VWA8: variants seen among roughly 807,000 people sequenced by gnomAD.
The protein encoded by VWA8 is von Willebrand factor A domain-containing protein 8.
VWA8 carries 221 observed loss-of-function variants against 241.5 expected under a neutral mutation model. The observed-to-expected ratio is 0.91, with a 90% CI of 0.82 to 1.02. The LOEUF is 1.02. VWA8 is among the 50% of genes least tolerant of loss of function. The probability of loss-of-function intolerance (pLI) is 0.00; values close to 1 mark genes in which losing one functional copy is unlikely to be tolerated. For synonymous variants in VWA8, 852 were observed against 827.1 expected (o/e 1.03, Z -0.52); for missense variants, 2,322 against 2,328.7 (o/e 1.00, Z 0.06).
intron 37 of VWA8, among the ~76,000 whole-genome samples, chr13:41,621,839 T>C (rs1185985824): frequency 1.3e-5 from 2 of 152,162 alleles, no homozygotes; most frequent in East Asian, 1.9e-4. Flanking sequence ...ACAAAATTTC[T>C]GGGCAGAAAG....
At chr13:41,642,600 G>GA (rs1336005112) in intron 37 of VWA8, among the ~76,000 whole-genome samples, 3 of 148,526 alleles carry the variant, frequency 2.0e-5, no homozygotes, top group African/African-American at 7.4e-5. Flanking sequence ...AAATTAAAAA[G>GA]AAAATGCAGA....
intron 14 of VWA8, among the ~76,000 whole-genome samples, chr13:41,825,736 A>T (rs1385009055): frequency 6.6e-6 from 1 of 152,236 alleles, no homozygotes; most frequent in Non-Finnish European, 1.5e-5. Flanking sequence ...ATTAGAAATA[A>T]TCACTTTGCT....
chr13:41,837,298 T>C (rs533752175), intron 12 of VWA8, among the ~76,000 whole-genome samples: 2 of 152,308 alleles, frequency 1.3e-5, no homozygotes, highest in East Asian at 1.9e-4. Flanking sequence ...TTGGTTTTCA[T>C]AATTAACAAC....
At chr13:41,682,346 C>T (rs555767215) in intron 35 of VWA8, among the ~76,000 whole-genome samples, 13 of 152,254 alleles carry the variant, frequency 8.5e-5, no homozygotes, top group African/African-American at 3.1e-4. Flanking sequence ...AATAAAGAGC[C>T]TCAGTCCATA....
At chr13:41,642,719 A>T (rs1409181738) in intron 37 of VWA8, among the ~76,000 whole-genome samples, 1 of 152,076 alleles carries the variant, frequency 6.6e-6, no homozygotes, top group Non-Finnish European at 1.5e-5. Context: ...ACCTGAGGTC[A>T]AGAGTTTGAG....
chr13:41,605,457 G>C (rs1406058573), intron 39 of VWA8, among the ~76,000 whole-genome samples, 181 bp from the exon 40 acceptor site: 1 of 152,154 alleles, frequency 6.6e-6, no homozygotes, highest in Non-Finnish European at 1.5e-5. Flanking sequence ...GTAACATCCA[G>C]TAGTGTGCTA....
chr13:41,908,302 T>C lies in VWA8; in HGVS notation c.373-606A>G, dbSNP rs530653942. Among the ~76,000 whole-genome samples, 259 of 152,064 alleles carry C rather than the reference T, an allele frequency of 1.7e-3. 2 individuals carry two copies. Among genetic ancestry groups the C allele is most frequent in the African/African-American group, 5.7e-3 (238 of 41,476 alleles). ...CCAATGTGGTGAAACCCTGTCTCTA[T>C]TAAAAATACAAAAATTAGCCAGGTA... On this transcript the variant is annotated intron_variant, in intron 3 of 44. Transcript: ENST00000379310.
At chr13:41,854,452 TA>T (rs1396136869) in intron 12 of VWA8, among the ~76,000 whole-genome samples, 2 of 138,602 alleles carry the variant, frequency 1.4e-5, no homozygotes, top group Non-Finnish European at 1.6e-5. Context: ...TATTTCAAAA[TA>T]TTTTTTATTG....
At chr13:41,662,284 T>C (rs1477995878) in intron 37 of VWA8, among the ~76,000 whole-genome samples, 11 of 152,170 alleles carry the variant, frequency 7.2e-5, no homozygotes, top group Non-Finnish European at 7.4e-5. Flanking sequence ...AGTATATCTC[T>C]CCATTTATTT....
intron 33 of VWA8, 85 bp downstream of exon 33, chr13:41,690,081 G>T: frequency 8.3e-7 from 1 of 1,202,360 alleles, no homozygotes; most frequent in Non-Finnish European, 1.1e-6. Flanking sequence ...ATAGGCTGGT[G>T]TTTTGTTCTT....
chr13:41,921,829 G>A (rs1251216914), intron 2 of VWA8, among the ~76,000 whole-genome samples: 3 of 152,190 alleles, frequency 2.0e-5, no homozygotes, highest in Non-Finnish European at 2.9e-5. Context: ...TGGATAGGAA[G>A]AATCAGTATC....
At chr13:41,805,056 T>C (rs1870122538) in intron 17 of VWA8, among the ~76,000 whole-genome samples, 1 of 152,144 alleles carries the variant, frequency 6.6e-6, no homozygotes, top group Non-Finnish European at 1.5e-5. Context: ...GAATAATTCC[T>C]TACTCATCAA....
At chr13:41,912,694 T>C (rs1330924178) in intron 2 of VWA8, among the ~76,000 whole-genome samples, 1 of 152,220 alleles carries the variant, frequency 6.6e-6, no homozygotes, top group Non-Finnish European at 1.5e-5. Context: ...TGTAAGATCA[T>C]GGTTAGAAAA....
intron 16 of VWA8, among the ~76,000 whole-genome samples, chr13:41,812,917 C>G (rs1220412826): frequency 6.6e-6 from 1 of 151,970 alleles, no homozygotes; most frequent in Non-Finnish European, 1.5e-5. Flanking sequence ...TACTTCAATG[C>G]TAAAATAAGT....
At chr13:41,948,430 C>T (rs1172572267) in intron 2 of VWA8, among the ~76,000 whole-genome samples, 2 of 151,838 alleles carry the variant, frequency 1.3e-5, no homozygotes, top group South Asian at 2.1e-4. Context: ...GTGATGAAAA[C>T]GTTAGATAAC....
intron 2 of VWA8, among the ~76,000 whole-genome samples, chr13:41,937,737 C>A (rs1235922606): frequency 6.6e-6 from 1 of 152,116 alleles, no homozygotes; most frequent in African/African-American, 2.4e-5. Flanking sequence ...CAGAAGACAA[C>A]CCTGTCATTA....
At chr13:41,674,331 T>C (rs1178640710) in intron 36 of VWA8, among the ~76,000 whole-genome samples, 2 of 152,194 alleles carry the variant, frequency 1.3e-5, no homozygotes, top group African/African-American at 4.8e-5. Flanking sequence ...GGTCTTCCTC[T>C]GCAGGCCCTC....
intron 37 of VWA8, among the ~76,000 whole-genome samples, chr13:41,624,235 G>T (rs2044674638): frequency 6.6e-6 from 1 of 152,078 alleles, no homozygotes; most frequent in African/African-American, 2.4e-5. Context: ...GCTGAATTCT[G>T]CCAAATGTGT....
intron 17 of VWA8, among the ~76,000 whole-genome samples, chr13:41,795,002 G>C (rs1462596538): frequency 1.3e-5 from 2 of 152,038 alleles, no homozygotes; most frequent in African/African-American, 4.8e-5. Flanking sequence ...ACTATCATCG[G>C]AGTGAACAGA....
Sources: gnomAD v4.1 joint callset for allele counts (sites outside exome capture counted in the v4.1 genomes callset) on GRCh38, gnomAD v4.1.1 for gene constraint, MANE v1.5 for transcripts, NCBI Gene and HGNC (gene_info 2026-07-23, HGNC 2026-07-21) for gene names.